The following ROPN1L variants were observed in gnomAD, a reference collection of about 807,000 sequenced individuals.
The protein encoded by ROPN1L is rhophilin associated tail protein 1 like, also known as ropporin-1-like protein.
In ROPN1L, 23 loss-of-function variants were observed where a neutral mutation model predicts 22.7. The observed-to-expected ratio is 1.01, with a 90% CI of 0.73 to 1.43. The LOEUF is 1.43. Ranked by LOEUF, ROPN1L falls within the 40% of genes most tolerant of loss-of-function variation. ROPN1L has a pLI of 0.00. For missense variants in ROPN1L, 271 were observed against 291.5 expected, an observed-to-expected ratio of 0.93 and a Z score of 0.51; for synonymous variants, 116 against 117.8, an observed-to-expected ratio of 0.98 and a Z score of 0.10.
chr5:10,467,793 T>A (rs1309894158), downstream of ROPN1L, among the ~76,000 whole-genome samples: 1 of 152,200 alleles, frequency 6.6e-6, no homozygotes, highest in Non-Finnish European at 1.5e-5. Context: ...GTTTCTTTTT[T>A]CCTTTCATGA....
In ROPN1L at chr5:10,442,241, A is replaced by C; in HGVS notation, c.74A>C (p.Gln25Pro). 1.9e-6 allele frequency: 3 copies of C among 1,613,844 alleles called. No individual in the cohort carries two copies. The highest frequency in any genetic ancestry group is 2.5e-6 in the Non-Finnish European group (3 of 1,179,910). The change falls in exon 1 of 5, where the codon CAA becomes CCA. Residue 25 changes from glutamine (Q) to proline (P), a missense_variant. Physicochemically the swap from Gln to Pro is moderately conservative, Grantham distance 76. Transcript: ENST00000274134. The stretch of plus-strand genomic sequence containing the variant: ...CCGGAGCTGCCGGACATCCTGAAGC[A>C]ATTCACCAAGGCTGCCATCCGCACC... ...IPPELPDILKQFTKAAIRTQP... is the reference protein window; with the variant it reads ...IPPELPDILKPFTKAAIRTQP...
chr5:10,455,578 G>A (rs576759455), intron 3 of ROPN1L, among the ~76,000 whole-genome samples: 126 of 151,828 alleles, frequency 8.3e-4, no homozygotes, highest in African/African-American at 2.8e-3. Context: ...CCCATGGGCC[G>A]CTGATGCGGG....
downstream of ROPN1L, among the ~76,000 whole-genome samples, chr5:10,474,632 G>GAGGT (rs1394410814): frequency 4.6e-5 from 7 of 152,266 alleles, no homozygotes; most frequent in Non-Finnish European, 1.0e-4. Flanking sequence ...ACGCCATGAT[G>GAGGT]AGGTTTCTTG....
chr5:10,446,703 G>A (rs1422310766), intron 1 of ROPN1L, among the ~76,000 whole-genome samples: 1 of 150,644 alleles, frequency 6.6e-6, no homozygotes, highest in African/African-American at 2.4e-5. Flanking sequence ...ATGCCTTTTG[G>A]CTGGGGAGGA....
chr5:10,464,119 A>T (rs1018911655), intron 4 of ROPN1L, among the ~76,000 whole-genome samples: 2 of 151,716 alleles, frequency 1.3e-5, no homozygotes, highest in Admixed American at 6.6e-5. Context: ...TCCCTTCCAC[A>T]TCGTTTCCTC....
the ROPN1L span, among the ~76,000 whole-genome samples, chr5:10,481,613 G>A: frequency 0.14 from 22,065 of 152,210 alleles, 3,153 homozygotes; most frequent in East Asian, 0.78. Flanking sequence ...GCATCAGAAT[G>A]CAGAGAATGG....
downstream of ROPN1L, among the ~76,000 whole-genome samples, chr5:10,472,743 C>A (rs1273830553): frequency 6.6e-6 from 1 of 152,146 alleles, no homozygotes; most frequent in Non-Finnish European, 1.5e-5. Flanking sequence ...TAGAATTCAG[C>A]CTGTTTTCCA....
chr5:10,474,067 G>T (rs1465319574), downstream of ROPN1L, among the ~76,000 whole-genome samples: 1 of 151,594 alleles, frequency 6.6e-6, no homozygotes, highest in Non-Finnish European at 1.5e-5. Context: ...CACAAAAATC[G>T]CTTGAGCCCC....
At chr5:10,480,024 A>C in the ROPN1L span, among the ~76,000 whole-genome samples, 2 of 152,210 alleles carry the variant, frequency 1.3e-5, no homozygotes, top group Non-Finnish European at 2.9e-5. Flanking sequence ...GATTACAGGC[A>C]TGAGCCACTG....
At chr5:10,465,340 C>A (rs1054944022), downstream of ROPN1L, among the ~76,000 whole-genome samples, 1 of 152,002 alleles carries the variant, frequency 6.6e-6, no homozygotes, top group Admixed American at 6.6e-5. Context: ...ACGGTGAAAC[C>A]CCGTCTCTAC....
chr5:10,462,884 C>T (rs968628456), intron 4 of ROPN1L, among the ~76,000 whole-genome samples: 2 of 133,432 alleles, frequency 1.5e-5, no homozygotes, highest in African/African-American at 5.6e-5. Context: ...ATCGAGACTC[C>T]GTCTCAAATA....
chr5:10,480,846 T>C, the ROPN1L span, among the ~76,000 whole-genome samples: 3 of 151,908 alleles, frequency 2.0e-5, no homozygotes, highest in African/African-American at 7.3e-5. Context: ...CAAATTTACC[T>C]CCTCCTTCTA....
At chr5:10,470,564 G>A (rs1735229986) in intron 4 of ROPN1L, among the ~76,000 whole-genome samples, 1 of 152,246 alleles carries the variant, frequency 6.6e-6, no homozygotes, top group African/African-American at 2.4e-5. Flanking sequence ...AGGTGGGGTT[G>A]GGTTGATGTC....
downstream of ROPN1L, among the ~76,000 whole-genome samples, chr5:10,466,902 C>G (rs1253336914): frequency 6.6e-6 from 1 of 152,168 alleles, no homozygotes; most frequent in Admixed American, 6.5e-5. Context: ...GGCCTCTCTC[C>G]GTGGCTTGTG....
At chr5:10,478,443 T>A in the ROPN1L span, among the ~76,000 whole-genome samples, 12,482 of 152,202 alleles carry the variant, frequency 0.082, 1,712 homozygotes, top group African/African-American at 0.28. Context: ...CCGGACTTGA[T>A]TGGCAGGGCC....
At chr5:10,478,373 G>A in the ROPN1L span, among the ~76,000 whole-genome samples, 4 of 152,130 alleles carry the variant, frequency 2.6e-5, no homozygotes, top group Admixed American at 6.5e-5. Flanking sequence ...AGGGGCTTCC[G>A]CAACAGAGAT....
intron 2 of ROPN1L, among the ~76,000 whole-genome samples, chr5:10,448,612 G>A (rs1259942121): frequency 2.6e-5 from 4 of 152,226 alleles, no homozygotes; most frequent in Admixed American, 2.0e-4. Flanking sequence ...TCACTATCCA[G>A]GGGTAGAGTT....
rs878968294 is a variant in ROPN1L, at chr5:10,461,456, GCT to G, written c.593+103_593+104del. 3 of 1,031,928 alleles carry G rather than the reference GCT, an allele frequency of 2.9e-6. No individual in the cohort carries two copies. In the South Asian group the frequency reaches 4.4e-5, roughly 15 times the overall value. The allele number at this position is 1,031,928 out of a possible 1,614,324, so 63.9% of individuals were successfully genotyped here. On this transcript the variant is annotated intron_variant, in intron 4 of 4. Coordinates refer to ENST00000274134, the MANE Select transcript of ROPN1L (RefSeq NM_031916.5). ...TAGGGAAAAACTCAGTTTTTCCTTT[GCT>G]CTCTCACCACAACAATAATCAACAC...
intron 3 of ROPN1L, among the ~76,000 whole-genome samples, chr5:10,456,945 G>A (rs1026410821): frequency 2.0e-5 from 3 of 152,126 alleles, no homozygotes; most frequent in Admixed American, 1.3e-4. Context: ...CTGAGGCCCC[G>A]CAGTCCTGCA....
Sources: gnomAD v4.1 joint callset for allele counts (sites outside exome capture counted in the v4.1 genomes callset) on GRCh38, gnomAD v4.1.1 for gene constraint, MANE v1.5 for transcripts, NCBI Gene and HGNC (gene_info 2026-07-23, HGNC 2026-07-21) for gene names.